FRMD5: variants seen among roughly 807,000 people sequenced by gnomAD.
The protein encoded by FRMD5 is FERM domain-containing protein 5.
FRMD5 carries 20 observed loss-of-function variants against 69.0 expected under a neutral mutation model. The ratio of observed to expected loss-of-function variants is 0.29; its 90% CI spans 0.20 to 0.42. The LOEUF is 0.42. FRMD5 is among the 10% of genes least tolerant of loss of function. FRMD5 has a pLI of 1.00. For missense variants in FRMD5, 595 were observed against 708.6 expected, an observed-to-expected ratio of 0.84 and a Z score of 1.82; for synonymous variants, 271 against 260.1, an observed-to-expected ratio of 1.04 and a Z score of -0.40.
upstream of FRMD5, among the ~76,000 whole-genome samples, chr15:44,197,955 C>G (rs993864115): frequency 6.6e-6 from 1 of 152,074 alleles, no homozygotes; most frequent in Admixed American, 6.6e-5. Flanking sequence ...TTGCAATCAA[C>G]AGAGGTGAGA....
intron 4 of FRMD5, among the ~76,000 whole-genome samples, chr15:43,915,717 A>G (rs1324828133): frequency 1.3e-5 from 2 of 152,238 alleles, no homozygotes; most frequent in Admixed American, 1.3e-4. Context: ...TCATCTGGGA[A>G]GAAGCCAAGA....
At chr15:43,913,168 G>A (rs2089321373) in intron 4 of FRMD5, among the ~76,000 whole-genome samples, 2 of 152,200 alleles carry the variant, frequency 1.3e-5, no homozygotes, top group South Asian at 2.1e-4. Context: ...ATTGATGGCA[G>A]GTAATGGCCT....
chr15:43,910,093 A>G (rs2140419122), intron 4 of FRMD5, 114 bp from the exon 5 acceptor site: 2 of 550,876 alleles, frequency 3.6e-6, no homozygotes, highest in South Asian at 5.3e-5. Context: ...CTACATTAAA[A>G]AAAAATCCTA....
intron 1 of FRMD5, among the ~76,000 whole-genome samples, chr15:43,951,150 G>C (rs1276007053): frequency 6.6e-6 from 1 of 152,076 alleles, no homozygotes; most frequent in Non-Finnish European, 1.5e-5. Context: ...GCCAGGCGTG[G>C]TGGCTCACAC....
chr15:44,110,982 T>C (rs2076788075), intron 1 of FRMD5, among the ~76,000 whole-genome samples: 1 of 152,184 alleles, frequency 6.6e-6, no homozygotes, highest in South Asian at 2.1e-4. Context: ...AGCATACAAC[T>C]CTATTATAAT....
chr15:43,894,245 G>C (rs77539515), intron 7 of FRMD5, among the ~76,000 whole-genome samples: 2 of 152,192 alleles, frequency 1.3e-5, no homozygotes, highest in African/African-American at 2.4e-5. Context: ...CTTGAGGTAA[G>C]AATGACTGGG....
intron 1 of FRMD5, among the ~76,000 whole-genome samples, chr15:43,981,233 T>C (rs143594028): frequency 1.2e-3 from 177 of 152,342 alleles, no homozygotes; most frequent in Admixed American, 3.3e-3. Context: ...GTGCTGGGAT[T>C]ACAGGCGTGA....
intron 1 of FRMD5, among the ~76,000 whole-genome samples, chr15:44,086,212 G>A (rs1894191128): frequency 6.6e-6 from 1 of 151,958 alleles, no homozygotes; most frequent in Non-Finnish European, 1.5e-5. Context: ...TCCACTTCTA[G>A]GAATACACTC....
chr15:44,002,749 G>T (rs911675785), intron 1 of FRMD5, among the ~76,000 whole-genome samples: 4 of 152,096 alleles, frequency 2.6e-5, no homozygotes, highest in South Asian at 2.1e-4. Context: ...TTAACTACCA[G>T]GCCCAGGGTG....
chr15:44,057,256 C>G (rs1566924366), intron 1 of FRMD5, among the ~76,000 whole-genome samples: 1 of 152,076 alleles, frequency 6.6e-6, no homozygotes, highest in African/African-American at 2.4e-5. Context: ...TCCCCAGTAG[C>G]CACCACGCCT....
At chr15:44,034,452 T>C (rs1258870464) in intron 1 of FRMD5, among the ~76,000 whole-genome samples, 1 of 152,244 alleles carries the variant, frequency 6.6e-6, no homozygotes, top group Non-Finnish European at 1.5e-5. Flanking sequence ...CACGGACTTC[T>C]AAATGCTGGG....
chr15:43,947,877 A>T (rs2089970970), intron 1 of FRMD5, among the ~76,000 whole-genome samples: 1 of 152,228 alleles, frequency 6.6e-6, no homozygotes, highest in African/African-American at 2.4e-5. Context: ...AGATGTTAGT[A>T]AAAGCTAACG....
intron 1 of FRMD5, 37 bp from the exon 2 acceptor site, chr15:43,924,346 G>C (rs759394270): frequency 1.4e-6 from 2 of 1,460,326 alleles, no homozygotes; most frequent in African/African-American, 3.0e-5. Flanking sequence ...AAATGAGTGG[G>C]TTTCTTCAGT....
intron 1 of FRMD5, among the ~76,000 whole-genome samples, chr15:43,956,943 T>C (rs1158473828): frequency 5.3e-5 from 8 of 152,188 alleles, no homozygotes; most frequent in Non-Finnish European, 1.0e-4. Flanking sequence ...AAAATGAAGA[T>C]TTACCATCAT....
chr15:43,873,337 G>T lies in FRMD5; in HGVS notation c.*548C>A. 6.7e-7 allele frequency: 1 copy of T among 1,483,890 alleles called. No individual in the cohort carries two copies. The highest frequency in any genetic ancestry group is 8.9e-7 in the Non-Finnish European group (1 of 1,124,542). 91.9% of individuals were successfully genotyped at this position (1,483,890 alleles called of 1,614,324 possible). On this transcript the variant is annotated 3_prime_UTR_variant, in exon 14 of 14. Coordinates refer to ENST00000417257, the MANE Select transcript of FRMD5 (RefSeq NM_032892.5). Reference sequence around the variant, plus strand: ...GTTTACTTTTTTAAAAGTTCTGGCTGGCAAAAAAAACAAACAAAAAACTAA... The same window carrying T: ...GTTTACTTTTTTAAAAGTTCTGGCTTGCAAAAAAAACAAACAAAAAACTAA...
intron 4 of FRMD5, among the ~76,000 whole-genome samples, chr15:43,916,029 G>C (rs2089380557): frequency 6.6e-6 from 1 of 152,178 alleles, no homozygotes; most frequent in South Asian, 2.1e-4. Flanking sequence ...GAGGCACAAA[G>C]ACTGCAAAGC....
At chr15:43,951,379 G>A (rs370209192) in intron 1 of FRMD5, among the ~76,000 whole-genome samples, 15 of 148,440 alleles carry the variant, frequency 1.0e-4, no homozygotes, top group Non-Finnish European at 1.2e-4. Context: ...CCAAGATCGC[G>A]CCACTGCACT....
intron 1 of FRMD5, among the ~76,000 whole-genome samples, chr15:44,185,222 AGCT>A (rs1257400062): frequency 6.6e-6 from 1 of 152,196 alleles, no homozygotes; most frequent in African/African-American, 2.4e-5. Flanking sequence ...TAGAATCTGA[AGCT>A]GGGCATAGTT....
At chr15:43,943,117 T>C (rs2089888962) in intron 1 of FRMD5, among the ~76,000 whole-genome samples, 1 of 152,190 alleles carries the variant, frequency 6.6e-6, no homozygotes, top group Admixed American at 6.5e-5. Flanking sequence ...GGCGCACACC[T>C]GTAATCCCAG....
Sources: gnomAD v4.1 joint callset for allele counts (sites outside exome capture counted in the v4.1 genomes callset) on GRCh38, gnomAD v4.1.1 for gene constraint, MANE v1.5 for transcripts, NCBI Gene and HGNC (gene_info 2026-07-23, HGNC 2026-07-21) for gene names.